The following ZFHX3 variants were observed in gnomAD, a reference collection of about 807,000 sequenced individuals.
ZFHX3 encodes zinc finger homeobox 3, also known as zinc finger homeobox protein 3.
Under a neutral mutation model 279.1 loss-of-function variants are expected in ZFHX3, and 42 were observed. The ratio of observed to expected loss-of-function variants is 0.15; its 90% CI spans 0.12 to 0.19. ZFHX3 has a LOEUF of 0.19. Among genes scored for constraint, ZFHX3 ranks in the 10% least tolerant of loss-of-function variants. The pLI is 1.00. For synonymous variants in ZFHX3, 2,293 were observed against 1,957.8 expected, an observed-to-expected ratio of 1.17 and a Z score of -4.52; for missense variants, 4,981 against 4,754.0, an observed-to-expected ratio of 1.05 and a Z score of -1.40.
At chr16:73,735,208 C>T (rs1391876716) in intron 1 of ZFHX3, among the ~76,000 whole-genome samples, 1 of 152,000 alleles carries the variant, frequency 6.6e-6, no homozygotes, top group Non-Finnish European at 1.5e-5. Context: ...AACAAGAAAT[C>T]CCCACAGCTG....
At chr16:73,852,363 T>A (rs767880148) in intron 1 of ZFHX3, among the ~76,000 whole-genome samples, 2 of 152,244 alleles carry the variant, frequency 1.3e-5, no homozygotes, top group Non-Finnish European at 2.9e-5. Flanking sequence ...AATGTGGTTG[T>A]CCTGAGCATT....
At chr16:73,555,681 A>G (rs1381790042) in intron 2 of ZFHX3, among the ~76,000 whole-genome samples, 1 of 151,826 alleles carries the variant, frequency 6.6e-6, no homozygotes, top group African/African-American at 2.4e-5. Context: ...AAATATAAAA[A>G]ATTAGCCGGG....
At chr16:73,330,560 CTTCT>C (rs2015782465) in intron 3 of ZFHX3, among the ~76,000 whole-genome samples, 1 of 152,108 alleles carries the variant, frequency 6.6e-6, no homozygotes, top group African/African-American at 2.4e-5. Flanking sequence ...ATTTAAGGGC[CTTCT>C]TTAAGACACA....
intron 1 of ZFHX3, among the ~76,000 whole-genome samples, chr16:73,811,948 C>T (rs897323653): frequency 6.6e-6 from 1 of 152,168 alleles, no homozygotes; most frequent in Non-Finnish European, 1.5e-5. Flanking sequence ...AACTTTTTAT[C>T]TTCATTTTAT....
chr16:72,843,538 A>AT (rs2037401609), intron 4 of ZFHX3, among the ~76,000 whole-genome samples: 1 of 147,862 alleles, frequency 6.8e-6, no homozygotes, highest in South Asian at 2.1e-4. Context: ...AAAAAAAAAA[A>AT]AGCCACACAG....
At chr16:73,660,801 A>G (rs954245530) in intron 2 of ZFHX3, among the ~76,000 whole-genome samples, 1 of 152,234 alleles carries the variant, frequency 6.6e-6, no homozygotes, top group African/African-American at 2.4e-5. Flanking sequence ...TAAGTCATAG[A>G]TAATGATTGT....
intron 1 of ZFHX3, among the ~76,000 whole-genome samples, chr16:72,967,669 C>T (rs1961907863): frequency 6.6e-6 from 1 of 151,718 alleles, no homozygotes; most frequent in Non-Finnish European, 1.5e-5. Context: ...GTAATCCCAG[C>T]ACTTTGGGAG....
chr16:73,064,572 T>G (rs1965723126), upstream of ZFHX3, among the ~76,000 whole-genome samples: 1 of 151,936 alleles, frequency 6.6e-6, no homozygotes, highest in Non-Finnish European at 1.5e-5. Flanking sequence ...GAGTGTCATC[T>G]CCAGTACATG....
At chr16:73,354,798 T>C (rs1368145609) in intron 3 of ZFHX3, among the ~76,000 whole-genome samples, 1 of 152,154 alleles carries the variant, frequency 6.6e-6, no homozygotes, top group Non-Finnish European at 1.5e-5. Context: ...AGATTCCAAT[T>C]CATCACCCTG....
chr16:73,292,051 T>A (rs2014785023), intron 4 of ZFHX3, among the ~76,000 whole-genome samples: 1 of 152,228 alleles, frequency 6.6e-6, no homozygotes, highest in Non-Finnish European at 1.5e-5. Flanking sequence ...GGTTCTGAGA[T>A]GCCATGTAAG....
At chr16:73,047,559 G>A (rs1286455422) in intron 1 of ZFHX3, among the ~76,000 whole-genome samples, 193 bp downstream of exon 1, 4 of 152,174 alleles carry the variant, frequency 2.6e-5, no homozygotes, top group Non-Finnish European at 5.9e-5. Flanking sequence ...GGAAGGAAGA[G>A]CTTTACTGTG....
intron 2 of ZFHX3, among the ~76,000 whole-genome samples, chr16:73,586,896 T>C (rs2051932958): frequency 6.6e-6 from 1 of 152,234 alleles, no homozygotes; most frequent in Admixed American, 6.5e-5. Context: ...GCATTTTTAA[T>C]AGAATTCTAT....
chr16:72,829,915 T>C, intron 4 of ZFHX3, 56 bp from the exon 5 acceptor site: 1 of 1,601,060 alleles, frequency 6.2e-7, no homozygotes, highest in Non-Finnish European at 8.5e-7. Flanking sequence ...ATGAAGGACT[T>C]TTGGCCTCTG....
intron 5 of ZFHX3, among the ~76,000 whole-genome samples, chr16:73,203,259 T>A (rs2011672812): frequency 6.6e-6 from 1 of 152,022 alleles, no homozygotes; most frequent in Non-Finnish European, 1.5e-5. Context: ...GTAGGAAGGG[T>A]GGGTGGAGAG....
chr16:73,824,501 C>T (rs1960842273), intron 1 of ZFHX3, among the ~76,000 whole-genome samples: 1 of 121,360 alleles, frequency 8.2e-6, no homozygotes, highest in Admixed American at 8.4e-5. Flanking sequence ...GCTGCACCCA[C>T]TAACGTGTCA....
chr16:73,392,272 T>A (rs1385359174), intron 3 of ZFHX3, among the ~76,000 whole-genome samples: 1 of 150,994 alleles, frequency 6.6e-6, no homozygotes, highest in Non-Finnish European at 1.5e-5. Context: ...AACACAAAAA[T>A]CAGCTGGGTG....
rs2035459127 is a variant in ZFHX3, at chr16:72,787,552, G to C, written c.10724C>G (p.Ser3575Cys). 2.5e-6 allele frequency: 4 copies of C among 1,614,082 alleles called. No homozygotes were observed. The highest frequency in any genetic ancestry group is 3.4e-6 in the Non-Finnish European group (4 of 1,179,986). Residue 3575 changes from serine (S) to cysteine (C), a missense_variant, in exon 10 of 10, where the codon TCT becomes TGT. By Grantham distance (112) the Ser-to-Cys change is moderately radical. Around this residue, in one of 7 missense-constraint regions of ZFHX3, gnomAD observed 1,034 missense variants for 786.0 expected, o/e 1.32. Coordinates refer to ENST00000268489, the MANE Select transcript of ZFHX3 (RefSeq NM_006885.4). ...AKEHPSLLPHSACFPDPSTAS... is the reference protein window; with the variant it reads ...AKEHPSLLPHCACFPDPSTAS... Reference sequence around the variant, plus strand: ...GGTGCTAGGATCGGGGAAGCAGGCAGAGTGAGGTAATAAACTAGGGTGCTC... The same window carrying C: ...GGTGCTAGGATCGGGGAAGCAGGCACAGTGAGGTAATAAACTAGGGTGCTC...
At chr16:73,402,174 T>C (rs1402342873) in intron 3 of ZFHX3, 1 of 152,236 alleles carries the variant, frequency 6.6e-6, no homozygotes, top group Non-Finnish European at 1.5e-5. Context: ...TTTAAATACA[T>C]ATTAGTTTTA....
At chr16:73,104,428 A>G (rs1225591668) in intron 7 of ZFHX3, among the ~76,000 whole-genome samples, 1 of 152,004 alleles carries the variant, frequency 6.6e-6, no homozygotes, top group Non-Finnish European at 1.5e-5. Context: ...ACAGGGTTTC[A>G]CCATGTTGCC....
Sources: allele counts gnomAD v4.1 joint callset (sites outside exome capture counted in the v4.1 genomes callset), GRCh38; gene constraint gnomAD v4.1.1; regional missense constraint gnomAD v4.1.1; transcripts MANE v1.5; gene names NCBI Gene and HGNC (gene_info 2026-07-23, HGNC 2026-07-21).